TESMIN: variants seen among roughly 807,000 people sequenced by gnomAD.
The protein encoded by TESMIN is testis expressed metallothionein like protein.
A neutral mutation model predicts 47.4 loss-of-function variants in TESMIN; 34 were observed. The observed-to-expected ratio is 0.72, with a 90% confidence interval of 0.55 to 0.96. The LOEUF is 0.96. Ranked by LOEUF, TESMIN falls within the 40% of genes least tolerant of loss-of-function variation. The pLI is 0.00. For synonymous variants in TESMIN, 278 were observed against 258.9 expected, an observed-to-expected ratio of 1.07 and a Z score of -0.71; for missense variants, 610 against 637.2, an observed-to-expected ratio of 0.96 and a Z score of 0.46.
intron 7 of TESMIN, among the ~76,000 whole-genome samples, chr11:68,713,940 G>A (rs575213079): frequency 6.6e-6 from 1 of 152,060 alleles, no homozygotes; most frequent in Admixed American, 6.5e-5. Flanking sequence ...GGTAAGTGGC[G>A]AGATCCTGAT....
chr11:68,719,066 T>C (rs1946174755), intron 6 of TESMIN, among the ~76,000 whole-genome samples: 1 of 152,172 alleles, frequency 6.6e-6, no homozygotes. Context: ...AAGAAGCTGG[T>C]GAACCCCTTA....
chr11:68,727,898 A>G (rs1488578247), intron 6 of TESMIN, among the ~76,000 whole-genome samples: 2 of 152,220 alleles, frequency 1.3e-5, no homozygotes, highest in Non-Finnish European at 2.9e-5. Context: ...CATCCATATA[A>G]GAGCACGAAC....
chr11:68,745,348 G>A (rs1166838386), intron 3 of TESMIN, among the ~76,000 whole-genome samples: 4 of 150,250 alleles, frequency 2.7e-5, no homozygotes, highest in African/African-American at 9.8e-5. Flanking sequence ...TTCCTGAGAT[G>A]CGTCCAGTGT....
Position 68,750,703 on chromosome 11 carries a change from CA to C in TESMIN, c.-39-5del. The C allele has an allele frequency of 1.5e-6, 2 of 1,359,896 alleles. No homozygotes were observed. The highest frequency in any genetic ancestry group is 1.9e-6 in the Non-Finnish European group (2 of 1,035,364). 84.2% of individuals were successfully genotyped at this position (1,359,896 alleles called of 1,614,324 possible). A position where few individuals can be genotyped will look rare whatever the true frequency, so the allele number is the denominator to read the frequency against. Reference sequence around the variant, plus strand: ...CGGGATGGCGGGGGCCGCGCACCTGCAACACGCGGCCAGGTGAGAGGCAGCC... The same window carrying C: ...CGGGATGGCGGGGGCCGCGCACCTGCACACGCGGCCAGGTGAGAGGCAGCC... On this transcript the variant is annotated splice_region_variant and splice_polypyrimidine_tract_variant and intron_variant, in intron 1 of 9. Transcript: ENST00000255087.
intron 7 of TESMIN, among the ~76,000 whole-genome samples, chr11:68,713,995 C>A (rs1326344876): frequency 6.6e-6 from 1 of 152,146 alleles, no homozygotes; most frequent in Non-Finnish European, 1.5e-5. Flanking sequence ...AACCGCTGGG[C>A]CATGCCTTTC....
In TESMIN at chr11:68,747,267, A is replaced by T. The variant is rs1316351352; in HGVS notation, c.571T>A (p.Ser191Thr). The T allele has an allele frequency of 1.2e-6, 2 of 1,613,998 alleles. No individual in the cohort carries two copies. Among genetic ancestry groups the T allele is most frequent in the African/African-American group, 2.7e-5 (2 of 74,918 alleles). Residue 191 changes from serine (S) to threonine (T), a missense_variant, in exon 3 of 10, where the codon TCG (serine) becomes ACG (threonine). Coordinates refer to ENST00000255087, the MANE Select transcript of TESMIN (RefSeq NM_004923.3). ...GAGGCATCCTCTAGTTCCTGGGACGATGGGAACTTGCAACAGGATTCCTGA... is the reference window on the plus strand; with the variant it reads ...GAGGCATCCTCTAGTTCCTGGGACGTTGGGAACTTGCAACAGGATTCCTGA... ...LAQESCCKFPSSQELEDASCC... is the reference protein window; with the variant it reads ...LAQESCCKFPTSQELEDASCC...
chr11:68,709,002 C>T (rs1381537260), intron 9 of TESMIN, among the ~76,000 whole-genome samples: 4 of 151,350 alleles, frequency 2.6e-5, no homozygotes, highest in South Asian at 2.1e-4. Flanking sequence ...CTGCCCTCCT[C>T]GGCCTCTCAA....
chr11:68,742,435 G>A (rs535621867), intron 4 of TESMIN, 41 bp from the exon 5 acceptor site: 35 of 1,321,908 alleles, frequency 2.6e-5, no homozygotes, highest in South Asian at 3.9e-5. Flanking sequence ...AGCATCTATC[G>A]TTCCTCTTCC....
chr11:68,721,052 A>G (rs1295950673), intron 6 of TESMIN, among the ~76,000 whole-genome samples: 2 of 91,800 alleles, frequency 2.2e-5, no homozygotes, highest in African/African-American at 3.0e-5. Flanking sequence ...AATAAAGATA[A>G]CATCTTTCTT....
downstream of TESMIN, among the ~76,000 whole-genome samples, chr11:68,705,138 C>G (rs1374461629): frequency 6.6e-6 from 1 of 152,176 alleles, no homozygotes; most frequent in Non-Finnish European, 1.5e-5. Context: ...CACAGCCGGC[C>G]CCATGCACAA....
intron 1 of TESMIN, 93 bp from the exon 2 acceptor site, chr11:68,750,792 GGAGGGGC>G: frequency 3.4e-6 from 1 of 294,406 alleles, no homozygotes; most frequent in South Asian, 5.8e-5. Context: ...GGCAGCCAAG[GGAGGGGC>G]GGCCAGGGGA....
intron 6 of TESMIN, chr11:68,737,213 C>T (rs1024402503): frequency 1.0e-6 from 1 of 985,324 alleles, no homozygotes; most frequent in Non-Finnish European, 1.2e-6. Flanking sequence ...ATCATAGCAA[C>T]TGCACCCTCA....
intron 6 of TESMIN, among the ~76,000 whole-genome samples, chr11:68,727,573 C>G (rs1265105274): frequency 6.6e-6 from 1 of 152,222 alleles, no homozygotes; most frequent in Non-Finnish European, 1.5e-5. Context: ...CCTTCTCACT[C>G]TATGAAATAA....
At chr11:68,727,181 C>G (rs150450796) in intron 6 of TESMIN, among the ~76,000 whole-genome samples, 9,216 of 152,288 alleles carry the variant, frequency 0.061, 319 homozygotes, top group Middle Eastern at 0.15. Context: ...TGGCTCATGT[C>G]TGTAATCCCA....
intron 6 of TESMIN, chr11:68,737,938 A>G (rs1447790215): frequency 9.1e-6 from 9 of 984,570 alleles, no homozygotes; most frequent in Non-Finnish European, 1.1e-5. Flanking sequence ...ACAAACAAAC[A>G]AAAAACAAGA....
At chr11:68,750,078 T>G in intron 2 of TESMIN, 112 bp downstream of exon 2, 1 of 856,510 alleles carries the variant, frequency 1.2e-6, no homozygotes. Context: ...CTGTGTGTGG[T>G]GTCACCAGGG....
intron 5 of TESMIN, among the ~76,000 whole-genome samples, chr11:68,740,464 G>C (rs1946442821): frequency 6.6e-6 from 1 of 152,154 alleles, no homozygotes; most frequent in Admixed American, 6.5e-5. Flanking sequence ...TGGCCAAATG[G>C]GTGTTTCTCA....
chr11:68,740,122 T>G (rs1250326001), intron 5 of TESMIN, among the ~76,000 whole-genome samples: 4 of 152,138 alleles, frequency 2.6e-5, no homozygotes, highest in African/African-American at 7.2e-5. Context: ...CAGACTCTGC[T>G]GTGTGCACAA....
chr11:68,728,028 T>A (rs1946285214), intron 6 of TESMIN, among the ~76,000 whole-genome samples: 1 of 152,218 alleles, frequency 6.6e-6, no homozygotes, highest in African/African-American at 2.4e-5. Context: ...TCTCTCTCCC[T>A]GTCCTCAGGC....
Sources: allele counts gnomAD v4.1 joint callset (sites outside exome capture counted in the v4.1 genomes callset), GRCh38; gene constraint gnomAD v4.1.1; transcripts MANE v1.5; gene names NCBI Gene and HGNC (gene_info 2026-07-23, HGNC 2026-07-21).